The following KIF21A variants were observed in gnomAD, a reference collection of about 807,000 sequenced individuals.
KIF21A encodes the protein kinesin-like protein KIF21A.
Under a neutral mutation model 202.9 loss-of-function variants are expected in KIF21A, and 114 were observed. The ratio of observed to expected loss-of-function variants is 0.56; its 90% CI spans 0.48 to 0.66. KIF21A has a LOEUF of 0.66. Ranked by LOEUF, KIF21A falls within the 30% of genes least tolerant of loss-of-function variation. The probability of loss-of-function intolerance (pLI) is 0.00; values close to 1 mark genes in which losing one functional copy is unlikely to be tolerated. For missense variants in KIF21A, 1,677 were observed against 1,994.9 expected (o/e 0.84, Z 3.04); for synonymous variants, 667 against 670.8 (o/e 0.99, Z 0.09).
chr12:39,391,827 C>T (rs1951376456), intron 1 of KIF21A, among the ~76,000 whole-genome samples: 1 of 152,042 alleles, frequency 6.6e-6, no homozygotes, highest in African/African-American at 2.4e-5. Context: ...GCAACCTCTG[C>T]CTCCCGGGTT....
At chr12:39,391,904 A>C (rs1273099159) in intron 1 of KIF21A, among the ~76,000 whole-genome samples, 1 of 151,836 alleles carries the variant, frequency 6.6e-6, no homozygotes, top group East Asian at 1.9e-4. Flanking sequence ...ACACCCGGCT[A>C]ATTTTTTGTA....
intron 1 of KIF21A, among the ~76,000 whole-genome samples, chr12:39,388,218 T>C (rs1284518961): frequency 3.9e-5 from 6 of 152,138 alleles, no homozygotes; most frequent in Non-Finnish European, 5.9e-5. Context: ...AGTTCTCTAT[T>C]TGTTTCTGTA....
intron 16 of KIF21A, among the ~76,000 whole-genome samples, chr12:39,338,656 C>A (rs1323354995): frequency 6.6e-6 from 1 of 152,008 alleles, no homozygotes; most frequent in Non-Finnish European, 1.5e-5. Flanking sequence ...TCCAGAGCAC[C>A]GCAAAAAGGT....
chr12:39,385,809 A>G (rs1950903999), intron 1 of KIF21A, among the ~76,000 whole-genome samples: 1 of 152,168 alleles, frequency 6.6e-6, no homozygotes, highest in African/African-American at 2.4e-5. Context: ...TTTTAAACAC[A>G]TTGTATCAAA....
chr12:39,421,626 G>C (rs377232199), intron 1 of KIF21A, among the ~76,000 whole-genome samples: 164 of 151,518 alleles, frequency 1.1e-3, no homozygotes, highest in African/African-American at 3.7e-3. Flanking sequence ...CCAGGAGGTG[G>C]AGGTTGCAGT....
In KIF21A at chr12:39,323,006, C is replaced by A; in HGVS notation, c.3457-124G>T. ...TTTAGCGTGTCTTTTCCTAGGTGTG[C>A]CAAACATAGCATGTGAGATAGTGAC... On this transcript the variant is annotated intron_variant, in intron 26 of 37. Transcript: ENST00000361418. The A allele has an allele frequency of 2.1e-4, 121 of 584,434 alleles. No individual in the cohort carries two copies. Among genetic ancestry groups the A allele is most frequent in the South Asian group, 5.2e-4 (13 of 25,178 alleles). The allele number at this position is 584,434 out of a possible 1,614,324, so 36.2% of individuals were successfully genotyped here. A position where few individuals can be genotyped will look rare whatever the true frequency, so the allele number is the denominator to read the frequency against.
intron 29 of KIF21A, among the ~76,000 whole-genome samples, 187 bp from the exon 30 acceptor site, chr12:39,316,157 G>C (rs1260440232): frequency 6.6e-5 from 10 of 151,990 alleles, no homozygotes. Context: ...TACGTAAAAA[G>C]TTTGATATTT....
intron 1 of KIF21A, among the ~76,000 whole-genome samples, chr12:39,426,766 C>T (rs1954791434): frequency 6.6e-6 from 1 of 150,660 alleles, no homozygotes; most frequent in Non-Finnish European, 1.5e-5. Context: ...TGCTGGTAAT[C>T]CCAGCTACTT....
Position 39,441,663 on chromosome 12 carries a change from A to AAAAAAAAAAAAAAAAAAAAAC in KIF21A, c.44+1263_44+1264insGTTTTTTTTTTTTTTTTTTTT, listed in dbSNP as rs1939623398. On this transcript the variant is annotated intron_variant, in intron 1 of 37. Coordinates refer to ENST00000361418, the MANE Select transcript of KIF21A (RefSeq NM_001173464.2). ...AAACTGTCACCTCCCTGGGTGGTAA[A>AAAAAAAAAAAAAAAAAAAAAC]AAAAAAAAAAAAAAAAACACTTAAA... Among the ~76,000 whole-genome samples, 2 of 120,124 alleles carry AAAAAAAAAAAAAAAAAAAAAC rather than the reference A, an allele frequency of 1.7e-5. 1 individual carries two copies. Among genetic ancestry groups the AAAAAAAAAAAAAAAAAAAAAC allele is most frequent in the Non-Finnish European group, 3.6e-5 (2 of 56,244 alleles). The allele number at this position is 120,124 out of a possible 152,430, so 78.8% of individuals were successfully genotyped here.
At chr12:39,316,737 T>C (rs1017351100) in intron 29 of KIF21A, among the ~76,000 whole-genome samples, 3 of 152,156 alleles carry the variant, frequency 2.0e-5, no homozygotes, top group Admixed American at 6.5e-5. Flanking sequence ...ATATGGTTGC[T>C]TCAAAAAGGA....
At chr12:39,298,454 G>A (rs1027246883) in intron 37 of KIF21A, among the ~76,000 whole-genome samples, 16 of 152,160 alleles carry the variant, frequency 1.1e-4, no homozygotes, top group Non-Finnish European at 2.4e-4. Flanking sequence ...AGGGCTATGA[G>A]ATGTTCAATT....
intron 7 of KIF21A, 131 bp downstream of exon 7, chr12:39,362,967 A>G: frequency 1.6e-6 from 1 of 629,094 alleles, no homozygotes; most frequent in Non-Finnish European, 2.9e-6. Flanking sequence ...GAGATCCTTA[A>G]CAGTATAAGG....
chr12:39,399,207 A>G (rs1447451564), intron 1 of KIF21A, among the ~76,000 whole-genome samples: 1 of 152,236 alleles, frequency 6.6e-6, no homozygotes, highest in Admixed American at 6.5e-5. Context: ...AATATAGTAT[A>G]ACAATTATTT....
At chr12:39,401,710 A>G (rs1952184009) in intron 1 of KIF21A, among the ~76,000 whole-genome samples, 1 of 152,198 alleles carries the variant, frequency 6.6e-6, no homozygotes, top group African/African-American at 2.4e-5. Context: ...CTTCATGAGA[A>G]GTGTTTAATG....
chr12:39,311,286 T>C (rs1944004745), intron 32 of KIF21A, 131 bp downstream of exon 32: 4 of 785,474 alleles, frequency 5.1e-6, no homozygotes, highest in South Asian at 5.1e-5. Flanking sequence ...TATTTTACAT[T>C]CAGGGGTTGA....
chr12:39,385,196 C>A (rs1372470386), intron 1 of KIF21A, among the ~76,000 whole-genome samples: 1 of 152,068 alleles, frequency 6.6e-6, no homozygotes, highest in Non-Finnish European at 1.5e-5. Flanking sequence ...GGAACTATGA[C>A]ATTTGATTGG....
intron 24 of KIF21A, among the ~76,000 whole-genome samples, chr12:39,327,519 T>C (rs1387394765): frequency 2.6e-5 from 4 of 152,230 alleles, no homozygotes; most frequent in African/African-American, 4.8e-5. Flanking sequence ...CTGTTTTCCA[T>C]GTGTTTTAAC....
chr12:39,411,845 A>T (rs931481133), intron 1 of KIF21A, among the ~76,000 whole-genome samples: 1 of 149,896 alleles, frequency 6.7e-6, no homozygotes. Context: ...CCTGCTGCTA[A>T]TTTTTTTTTT....
At chr12:39,367,281 T>C in intron 4 of KIF21A, 117 bp from the exon 5 acceptor site, 1 of 1,065,106 alleles carries the variant, frequency 9.4e-7, no homozygotes, top group Non-Finnish European at 1.4e-6. Flanking sequence ...AGATGTGGAA[T>C]TTCACATTAT....
Sources: allele counts gnomAD v4.1 joint callset (sites outside exome capture counted in the v4.1 genomes callset), GRCh38; gene constraint gnomAD v4.1.1; transcripts MANE v1.5; gene names NCBI Gene and HGNC (gene_info 2026-07-23, HGNC 2026-07-21).